Variants in COL18A1 observed in about 807,000 individuals in gnomAD.
COL18A1 encodes the protein collagen alpha-1(XVIII) chain.
Under a neutral mutation model 168.0 loss-of-function variants are expected in COL18A1, and 133 were observed. That is an observed-to-expected ratio of 0.79 (90% CI 0.69 to 0.91). The LOEUF is 0.91. COL18A1 is among the 40% of genes least tolerant of loss of function. The pLI, the probability that COL18A1 is intolerant of heterozygous loss-of-function variation, is 0.00. For missense variants in COL18A1, 2,126 were observed against 1,925.4 expected, an observed-to-expected ratio of 1.10 and a Z score of -1.95; for synonymous variants, 949 against 809.0, an observed-to-expected ratio of 1.17 and a Z score of -2.94.
intron 2 of COL18A1, among the ~76,000 whole-genome samples, chr21:45,464,813 G>C (rs1312049735): frequency 6.6e-6 from 1 of 152,096 alleles, no homozygotes; most frequent in Non-Finnish European, 1.5e-5. Context: ...GTTAGAAGTG[G>C]ATCATCTCCC....
In COL18A1 at chr21:45,486,857, G is replaced by A. The variant is rs376187378; in HGVS notation, c.1702-4G>A. On this transcript the variant is annotated splice_polypyrimidine_tract_variant and splice_region_variant and intron_variant, in intron 15 of 41. Coordinates refer to ENST00000651438, the MANE Select transcript of COL18A1 (RefSeq NM_001379500.1). ...TCCTGACACGCTCTCCTCACCCCAC[G>A]CAGGGGAGCAAGGGAGCCCCCGGTC... 3.5e-5 allele frequency: 53 copies of A among 1,527,788 alleles called. No homozygotes were observed. The East Asian group carries it at 5.7e-4, about 16-fold the overall frequency. The allele number at this position is 1,527,788 out of a possible 1,614,324, so 94.6% of individuals were successfully genotyped here.
In COL18A1 at chr21:45,498,061, G is replaced by A. The variant is rs28434474; in HGVS notation, c.2683+400G>A. 0.22 allele frequency: 134,890 copies of A among 606,384 alleles called. 15,255 individuals are homozygous for A. Among genetic ancestry groups the A allele is most frequent in the Middle Eastern group, 0.25 (589 of 2,320 alleles). 37.6% of individuals were successfully genotyped at this position (606,384 alleles called of 1,614,324 possible). A position where few individuals can be genotyped will look rare whatever the true frequency, so the allele number is the denominator to read the frequency against. On this transcript the variant is annotated intron_variant, in intron 32 of 41. Transcript: ENST00000651438. This position sits in a 1 kb window ranked among gnomAD's most constrained non-coding sequence, Gnocchi z 4.5. ...CCAGGGTTTCATGTGGGAAGGAGGC[G>A]TTGCCCGACAGGCCGTCTGGAGGGT...
At chr21:45,456,793 C>T in intron 2 of COL18A1, 4 of 1,541,288 alleles carry the variant, frequency 2.6e-6, no homozygotes, top group Non-Finnish European at 2.6e-6. Context: ...CGTGTTGGAG[C>T]CGCCTGGGCG....
chr21:45,444,014 A>G (rs936103158), intron 2 of COL18A1, among the ~76,000 whole-genome samples: 7 of 152,198 alleles, frequency 4.6e-5, no homozygotes, highest in African/African-American at 1.7e-4. Context: ...TTGCCACGCA[A>G]GAATTCAGTG....
At chr21:45,500,175 T>C (rs1363729074) in intron 32 of COL18A1, among the ~76,000 whole-genome samples, 1 of 113,136 alleles carries the variant, frequency 8.8e-6, no homozygotes, top group Non-Finnish European at 1.8e-5. Context: ...AGTGTGGGGG[T>C]GTATAGTGTG....
chr21:45,503,805 AAAAAT>A lies in COL18A1; in HGVS notation c.2684-196_2684-192del, dbSNP rs926391472. The A allele has an allele frequency of 9.0e-4, 294 of 327,026 alleles. 5 individuals carry two copies. Among genetic ancestry groups the A allele is most frequent in the South Asian group, 7.8e-4 (8 of 10,308 alleles). 20.3% of individuals were successfully genotyped at this position (327,026 alleles called of 1,614,324 possible). ...GTATAATAATAAATTTAAAAAATTTAAAAATAAAATAAAAATAAAAAGGCACCATT... is the reference window on the plus strand; with the variant it reads ...GTATAATAATAAATTTAAAAAATTTAAAAATAAAAATAAAAAGGCACCATT... On this transcript the variant is annotated intron_variant, in intron 32 of 41. Coordinates refer to ENST00000651438, the MANE Select transcript of COL18A1 (RefSeq NM_001379500.1).
intron 2 of COL18A1, among the ~76,000 whole-genome samples, chr21:45,460,951 C>T (rs2035021466): frequency 6.6e-6 from 1 of 152,166 alleles, no homozygotes; most frequent in Non-Finnish European, 1.5e-5. Flanking sequence ...AAAAGCACAG[C>T]ACTCCAAACA....
chr21:45,487,680 G>A (rs536856487), intron 17 of COL18A1, 171 bp downstream of exon 17: 248 of 808,584 alleles, frequency 3.1e-4, no homozygotes, highest in Non-Finnish European at 4.8e-4. Flanking sequence ...CTTGTTCTTC[G>A]GAGATGCCCC....
rs1270600632 is a variant in COL18A1 at position 45,438,206 on chromosome 21, G to GCA, written c.107-30026_107-30025dup. Among the ~76,000 whole-genome samples the GCA allele has an allele frequency of 6.4e-5, 6 of 93,152 alleles. No homozygotes were observed. In the South Asian group the frequency reaches 1.9e-3, roughly 29 times the overall value. The allele number at this position is 93,152 out of a possible 152,430, so 61.1% of individuals were successfully genotyped here. A position where few individuals can be genotyped will look rare whatever the true frequency, so the allele number is the denominator to read the frequency against. On this transcript the variant is annotated intron_variant, in intron 2 of 41. Coordinates refer to ENST00000651438, the MANE Select transcript of COL18A1 (RefSeq NM_001379500.1). The stretch of plus-strand genomic sequence containing the variant: ...CACTCAGACACACAGGCACTCTCCT[G>GCA]CACACACACACTCACACACTCAGAC...
intron 29 of COL18A1, chr21:45,496,068 G>A (rs1467382814): frequency 8.7e-6 from 3 of 344,806 alleles, no homozygotes; most frequent in Non-Finnish European, 1.7e-5. Flanking sequence ...CATGGGCCTG[G>A]GCCATGCCCT....
chr21:45,419,546 G>C (rs1034510208), intron 2 of COL18A1, among the ~76,000 whole-genome samples: 1 of 152,144 alleles, frequency 6.6e-6, no homozygotes, highest in Non-Finnish European at 1.5e-5. Flanking sequence ...AAGTGGCCTG[G>C]ACTTTATGTC....
At chr21:45,467,196 C>T in intron 2 of COL18A1, 1 of 971,702 alleles carries the variant, frequency 1.0e-6, no homozygotes, top group Non-Finnish European at 1.2e-6. Context: ...TGCTGCCCCC[C>T]TCCCGTGGGC....
chr21:45,487,622 A>G, intron 17 of COL18A1, 113 bp downstream of exon 17: 1 of 1,377,076 alleles, frequency 7.3e-7, no homozygotes, highest in East Asian at 2.3e-5. Flanking sequence ...GCCGCCCTGC[A>G]GAGCCGTGAG....
chr21:45,485,105 C>T (rs774069404), intron 15 of COL18A1, among the ~76,000 whole-genome samples: 6 of 150,508 alleles, frequency 4.0e-5, no homozygotes, highest in Non-Finnish European at 5.9e-5. Context: ...GCCTCAGCCT[C>T]CCGAGTAACT....
rs917471426 is a variant in COL18A1, at chr21:45,498,687, C to A, written c.2683+1026C>A. The A allele has an allele frequency of 6.1e-6, 4 of 657,688 alleles. No individual in the cohort carries two copies. Among genetic ancestry groups the A allele is most frequent in the Non-Finnish European group, 1.1e-5 (4 of 357,242 alleles). 40.7% of individuals were successfully genotyped at this position (657,688 alleles called of 1,614,324 possible). On this transcript the variant is annotated intron_variant, in intron 32 of 41. Coordinates refer to ENST00000651438, the MANE Select transcript of COL18A1 (RefSeq NM_001379500.1). The surrounding 1 kb of genome is among the most constrained non-coding windows in gnomAD (Gnocchi z 4.5). ...CCCATGCCAGCCTTGGATCTCTCAG[C>A]GTCACACACGACGCCCAGGAAGGAG...
intron 2 of COL18A1, chr21:45,467,445 C>T (rs2035251669): frequency 6.1e-6 from 6 of 985,172 alleles, no homozygotes; most frequent in Non-Finnish European, 7.2e-6. Context: ...GCAGCCCCTC[C>T]AAGGGGTGAT....
Position 45,505,397 on chromosome 21 carries a change from C to A in COL18A1, c.3053C>A (p.Pro1018His). Residue 1018 changes from proline to histidine, a missense_variant, in exon 36 of 42, where the codon CCT (proline) becomes CAT (histidine). Physicochemically the swap from Pro to His is moderately conservative, Grantham distance 77. Coordinates refer to ENST00000651438, the MANE Select transcript of COL18A1 (RefSeq NM_001379500.1). ...VPGPPGPPGP[P>H]GPPGTMGASS... ...GGCCCTCCGGGCCCCCCTGGGCCCC[C>A]TGGGCCCCCTGGAACCATGGGCGCC... The A allele has an allele frequency of 6.3e-7, 1 of 1,583,416 alleles. No individual in the cohort carries two copies.
Position 45,510,232 on chromosome 21 carries a change from C to A in COL18A1, c.3664C>A (p.Arg1222Ser). Residue 1222 changes from arginine to serine, a missense_variant, in exon 40 of 42, where the codon CGC (arginine) becomes AGC (serine). Arg to Ser is a moderately radical substitution (Grantham distance 110, BLOSUM62 -1). Coordinates refer to ENST00000651438, the MANE Select transcript of COL18A1 (RefSeq NM_001379500.1). ...DLYSIVRRADRAAVPIVNLKD... is the reference protein window; with the variant it reads ...DLYSIVRRADSAAVPIVNLKD... ...GTACAGCATCGTGCGCCGTGCCGACCGCGCAGCCGTGCCCATCGTCAACCT... is the reference window on the plus strand; with the variant it reads ...GTACAGCATCGTGCGCCGTGCCGACAGCGCAGCCGTGCCCATCGTCAACCT... The A allele has an allele frequency of 6.2e-7, 1 of 1,606,376 alleles. No homozygotes were observed. Among genetic ancestry groups the A allele is most frequent in the East Asian group, 2.3e-5 (1 of 44,428 alleles).
chr21:45,440,125 T>G (rs887197725), intron 2 of COL18A1, among the ~76,000 whole-genome samples: 1 of 152,218 alleles, frequency 6.6e-6, no homozygotes, highest in African/African-American at 2.4e-5. Flanking sequence ...CTCGGGGATG[T>G]AAGGGCAAGG....
Sources: allele counts gnomAD v4.1 joint callset (sites outside exome capture counted in the v4.1 genomes callset), GRCh38; gene constraint gnomAD v4.1.1; non-coding constraint Gnocchi (gnomAD v3.1); transcripts MANE v1.5; gene names NCBI Gene and HGNC (gene_info 2026-07-23, HGNC 2026-07-21).